The following ALG12 variants were observed in gnomAD, a reference collection of about 807,000 sequenced individuals.
ALG12 encodes the protein ALG12 alpha-1,6-mannosyltransferase.
Under a neutral mutation model 46.0 loss-of-function variants are expected in ALG12, and 36 were observed. The ratio of observed to expected loss-of-function variants is 0.78; its 90% CI spans 0.60 to 1.03. ALG12 has a LOEUF of 1.03. Among genes scored for constraint, ALG12 ranks in the 50% least tolerant of loss-of-function variants. The probability of loss-of-function intolerance (pLI) is 0.00; values close to 1 mark genes in which losing one functional copy is unlikely to be tolerated. For synonymous variants in ALG12, 326 were observed against 291.6 expected (o/e 1.12, Z -1.20); for missense variants, 599 against 633.5 (o/e 0.95, Z 0.58).
At chr22:49,878,166 G>A in the ALG12 span, among the ~76,000 whole-genome samples, 6 of 152,064 alleles carry the variant, frequency 3.9e-5, no homozygotes, top group South Asian at 2.1e-4. Flanking sequence ...TTAGCCAGAC[G>A]TGGTGACAGG....
the ALG12 span, chr22:49,883,699 G>T: frequency 6.2e-7 from 1 of 1,601,542 alleles, no homozygotes; most frequent in South Asian, 1.1e-5. Context: ...CAAAGAGGAC[G>T]GTGATTTCGT....
At chr22:49,898,213 C>T (rs796150018), downstream of ALG12, among the ~76,000 whole-genome samples, 9 of 151,510 alleles carry the variant, frequency 5.9e-5, no homozygotes, top group African/African-American at 2.2e-4. Flanking sequence ...CACTATATCA[C>T]CCAGGCTAAT....
the ALG12 span, chr22:49,886,679 C>T: frequency 3.1e-6 from 5 of 1,611,994 alleles, no homozygotes; most frequent in Admixed American, 1.7e-5. The surrounding 1 kb of genome is among the most constrained non-coding windows in gnomAD (Gnocchi z 7.7). Flanking sequence ...GTCTTCGCCA[C>T]GCTGCTGGAT....
At chr22:49,885,344 C>A in the ALG12 span, 1 of 1,589,656 alleles carries the variant, frequency 6.3e-7, no homozygotes. Context: ...AAAAAGACCT[C>A]GAAGCTGTGG....
At chr22:49,861,315 T>C in the ALG12 span, among the ~76,000 whole-genome samples, 1 of 150,356 alleles carries the variant, frequency 6.7e-6, no homozygotes, top group African/African-American at 2.5e-5. Flanking sequence ...CTAATTTTTA[T>C]ATTTTTAGTA....
chr22:49,903,148 AGT>A lies in ALG12; in HGVS notation c.*688_*689del. On this transcript the variant is annotated 3_prime_UTR_variant, in exon 10 of 10. Coordinates refer to ENST00000330817, the MANE Select transcript of ALG12 (RefSeq NM_024105.4). The stretch of plus-strand genomic sequence containing the variant: ...GTCCCTTTACCATAACACCTGGAAT[AGT>A]CACCTGTGATAAGCTATCACATAGG... 2.8e-6 allele frequency: 1 copy of A among 362,072 alleles called. No individual in the cohort carries two copies. The highest frequency in any genetic ancestry group is 7.6e-5 in the East Asian group (1 of 13,210). 22.4% of individuals were successfully genotyped at this position (362,072 alleles called of 1,614,324 possible). A position where few individuals can be genotyped will look rare whatever the true frequency, so the allele number is the denominator to read the frequency against.
the ALG12 span, among the ~76,000 whole-genome samples, chr22:49,876,843 C>T: frequency 6.6e-6 from 1 of 152,168 alleles, no homozygotes; most frequent in Non-Finnish European, 1.5e-5. Context: ...TATAGGAATT[C>T]TCAGTTGCTG....
chr22:49,867,684 C>T, the ALG12 span, among the ~76,000 whole-genome samples: 7 of 152,178 alleles, frequency 4.6e-5, no homozygotes, highest in African/African-American at 7.2e-5. Flanking sequence ...GTGTATCACA[C>T]GCTTGATGAC....
the ALG12 span, chr22:49,885,718 G>A: frequency 6.2e-7 from 1 of 1,607,190 alleles, no homozygotes; most frequent in Non-Finnish European, 8.5e-7. Context: ...CAGGCTGCTT[G>A]AATACTTGAA....
At chr22:49,859,919 C>T in the ALG12 span, among the ~76,000 whole-genome samples, 2 of 149,420 alleles carry the variant, frequency 1.3e-5, no homozygotes, top group Admixed American at 1.3e-4. Context: ...TCCAGCTACT[C>T]AGGAGGCTGA....
the ALG12 span, chr22:49,886,957 G>A: frequency 6.2e-7 from 1 of 1,614,070 alleles, no homozygotes; most frequent in Non-Finnish European, 8.5e-7. This position sits in a 1 kb window ranked among gnomAD's most constrained non-coding sequence, Gnocchi z 7.7. Context: ...ACACAGCTGT[G>A]ACCCGCTCAC....
At chr22:49,865,656 C>CA in the ALG12 span, among the ~76,000 whole-genome samples, 1 of 152,040 alleles carries the variant, frequency 6.6e-6, no homozygotes, top group African/African-American at 2.4e-5. Flanking sequence ...GTCTGGGCGA[C>CA]AGAGTGGACA....
the ALG12 span, among the ~76,000 whole-genome samples, chr22:49,894,540 G>A: frequency 2.0e-5 from 3 of 152,212 alleles, no homozygotes; most frequent in African/African-American, 4.8e-5. Context: ...CTGACAGCAC[G>A]GCCTCAGGCA....
chr22:49,879,170 A>C, the ALG12 span, among the ~76,000 whole-genome samples: 3 of 149,888 alleles, frequency 2.0e-5, no homozygotes, highest in East Asian at 2.0e-4. Flanking sequence ...ACAAAAAAAA[A>C]CAGGAGTGAA....
chr22:49,867,711 T>C, the ALG12 span, among the ~76,000 whole-genome samples: 3 of 152,058 alleles, frequency 2.0e-5, no homozygotes, highest in Non-Finnish European at 4.4e-5. Context: ...CTTTTCCAGC[T>C]GCCAGATCTA....
At chr22:49,886,354 A>G in the ALG12 span, 1 of 1,609,092 alleles carries the variant, frequency 6.2e-7, no homozygotes, top group Non-Finnish European at 8.5e-7. This position sits in a 1 kb window ranked among gnomAD's most constrained non-coding sequence, Gnocchi z 7.7. Context: ...TTCCTTCCAC[A>G]TGCTCGAGCG....
chr22:49,916,983 A>G (rs1414667357), intron 1 of ALG12, among the ~76,000 whole-genome samples: 1 of 152,208 alleles, frequency 6.6e-6, no homozygotes, highest in Non-Finnish European at 1.5e-5. Context: ...GCGGGCCCCC[A>G]GCACCTCCTC....
chr22:49,864,938 C>A, the ALG12 span, among the ~76,000 whole-genome samples: 1 of 7,392 alleles, frequency 1.4e-4, no homozygotes, highest in Admixed American at 1.2e-3. Context: ...TCCCAGCAAG[C>A]CCCCCCCCCC....
chr22:49,894,072 C>T, the ALG12 span, among the ~76,000 whole-genome samples: 4 of 151,968 alleles, frequency 2.6e-5, no homozygotes, highest in African/African-American at 7.3e-5. Context: ...GGTTGAGGCA[C>T]GAGAATTGCT....
Sources: gnomAD v4.1 joint callset for allele counts (sites outside exome capture counted in the v4.1 genomes callset) on GRCh38, gnomAD v4.1.1 for gene constraint, Gnocchi (gnomAD v3.1) non-coding constraint, MANE v1.5 for transcripts, NCBI Gene and HGNC (gene_info 2026-07-23, HGNC 2026-07-21) for gene names.